Variants in LRRC7 observed in about 807,000 individuals in gnomAD.
The protein encoded by LRRC7 is leucine rich repeat containing 7.
Under a neutral mutation model 175.7 loss-of-function variants are expected in LRRC7, and 23 were observed. That is an observed-to-expected ratio of 0.13 (90% CI 0.09 to 0.19). The LOEUF (loss-of-function observed/expected upper bound fraction) is 0.19, where lower values mean the gene tolerates loss of function less well. Ranked by LOEUF, LRRC7 falls within the 10% of genes least tolerant of loss-of-function variation. The pLI is 1.00. For synonymous variants in LRRC7, 685 were observed against 680.9 expected, an observed-to-expected ratio of 1.01 and a Z score of -0.09; for missense variants, 1,354 against 1,904.7, an observed-to-expected ratio of 0.71 and a Z score of 5.38.
chr1:70,038,491 G>A lies in LRRC7; in HGVS notation c.2667G>A (p.Pro889=), dbSNP rs759651343. The A allele has an allele frequency of 1.5e-5, 25 of 1,613,908 alleles. No individual in the cohort carries two copies. The highest frequency in any genetic ancestry group is 1.8e-5 in the Non-Finnish European group (21 of 1,179,990). ...PWQNWTRTPS[P]FEDRTAFPSK... The stretch of plus-strand genomic sequence containing the variant: ...AGAATTGGACCAGAACCCCTAGTCC[G>A]TTTGAAGACAGGACCGCTTTTCCTT... The change falls in exon 21 of 27, where the codon CCG becomes CCA. Residue 889 remains proline, a synonymous_variant. Coordinates refer to ENST00000651989, the MANE Select transcript of LRRC7 (RefSeq NM_001370785.2).
At chr1:69,894,223 G>A (rs1312377211) in intron 7 of LRRC7, among the ~76,000 whole-genome samples, 2 of 152,016 alleles carry the variant, frequency 1.3e-5, no homozygotes, top group African/African-American at 2.4e-5. Context: ...CTTGAAGTAG[G>A]TATTATTATT....
At chr1:69,592,918 G>T (rs1479130091) in intron 1 of LRRC7, among the ~76,000 whole-genome samples, 1 of 152,008 alleles carries the variant, frequency 6.6e-6, no homozygotes, top group Non-Finnish European at 1.5e-5. Context: ...ACACTTGAAT[G>T]CTACCTTCTA....
intron 1 of LRRC7, among the ~76,000 whole-genome samples, chr1:69,572,545 G>C (rs1207874892): frequency 6.6e-6 from 1 of 152,048 alleles, no homozygotes; most frequent in African/African-American, 2.4e-5. Context: ...TTTTCTTTAT[G>C]TGGCTTTTAA....
intron 2 of LRRC7, among the ~76,000 whole-genome samples, chr1:69,683,709 A>G (rs563954479): frequency 2.0e-5 from 3 of 152,318 alleles, no homozygotes; most frequent in Non-Finnish European, 2.9e-5. Flanking sequence ...AAATACTCTA[A>G]GAAATATCTG....
chr1:70,006,160 T>C (rs1655976138), intron 11 of LRRC7, among the ~76,000 whole-genome samples: 1 of 152,188 alleles, frequency 6.6e-6, no homozygotes, highest in East Asian at 1.9e-4. Flanking sequence ...TTAGAGATCA[T>C]TGAGGAATAT....
At chr1:69,800,541 TTGTTATTGGCGTACAGAAA>T (rs1365769463) in intron 4 of LRRC7, among the ~76,000 whole-genome samples, 2 of 151,870 alleles carry the variant, frequency 1.3e-5, no homozygotes, top group Admixed American at 6.6e-5. Context: ...GTTTCTCAGC[TTGTTATTGGCGTACAGAAA>T]TGCTATTGAT....
chr1:69,623,650 A>T (rs1651010774), intron 1 of LRRC7, among the ~76,000 whole-genome samples: 1 of 150,226 alleles, frequency 6.7e-6, no homozygotes, highest in Non-Finnish European at 1.5e-5. Flanking sequence ...TCCTGGGTTC[A>T]AGCAATTTTC....
rs1280260125 is a variant in LRRC7, at chr1:69,585,077, C to T, written c.2+16436C>T. On this transcript the variant is annotated intron_variant, in intron 1 of 26. Coordinates refer to ENST00000651989, the MANE Select transcript of LRRC7 (RefSeq NM_001370785.2). The stretch of plus-strand genomic sequence containing the variant: ...GATTGTAAACTGCTAGACTGATACA[C>T]AGTTATATCTTCCTGATATTTTGAA... Among the ~76,000 whole-genome samples the T allele has an allele frequency of 3.3e-5, 5 of 152,234 alleles. No individual in the cohort carries two copies. In the East Asian group the frequency reaches 9.7e-4, roughly 29 times the overall value.
intron 18 of LRRC7, among the ~76,000 whole-genome samples, chr1:70,030,715 A>C (rs915888536): frequency 1.1e-4 from 17 of 152,296 alleles, no homozygotes; most frequent in East Asian, 3.9e-4. Context: ...GAAAACCCCC[A>C]AAAAAAGAAT....
intron 7 of LRRC7, among the ~76,000 whole-genome samples, chr1:69,847,491 A>G (rs1450535428): frequency 2.0e-5 from 3 of 152,102 alleles, no homozygotes; most frequent in African/African-American, 7.2e-5. Flanking sequence ...ACATGTTAAC[A>G]TGGAAATCAT....
At chr1:69,939,459 T>G (rs1360052296) in intron 8 of LRRC7, among the ~76,000 whole-genome samples, 2 of 151,882 alleles carry the variant, frequency 1.3e-5, no homozygotes, top group African/African-American at 4.8e-5. Flanking sequence ...AAGCCAAACG[T>G]AAATAAAAAG....
chr1:69,573,306 G>A (rs745341130), intron 1 of LRRC7, among the ~76,000 whole-genome samples: 4 of 152,116 alleles, frequency 2.6e-5, no homozygotes, highest in South Asian at 2.1e-4. Flanking sequence ...ATTGAAGTTC[G>A]GTAAATAACT....
chr1:69,882,852 G>C (rs553203468), intron 7 of LRRC7, among the ~76,000 whole-genome samples: 90 of 148,608 alleles, frequency 6.1e-4, no homozygotes, highest in Non-Finnish European at 1.0e-3. Flanking sequence ...CTATGAGTGA[G>C]AATATGCGGT....
At chr1:70,107,631 G>A (rs1360516533) in intron 25 of LRRC7, 121 bp from the exon 26 acceptor site, 1 of 647,650 alleles carries the variant, frequency 1.5e-6, no homozygotes, top group East Asian at 2.6e-5. Context: ...ATTCTTTGAA[G>A]CCTACATGCA....
intron 26 of LRRC7, among the ~76,000 whole-genome samples, chr1:70,112,027 A>G (rs190313149): frequency 6.6e-6 from 1 of 152,322 alleles, no homozygotes; most frequent in East Asian, 1.9e-4. Context: ...CAATCCAAAC[A>G]TACTCTTTGT....
intron 2 of LRRC7, among the ~76,000 whole-genome samples, chr1:69,756,742 A>G (rs1483837862): frequency 2.0e-5 from 3 of 151,972 alleles, no homozygotes; most frequent in Non-Finnish European, 4.4e-5. Flanking sequence ...TCCACAAATG[A>G]AGGAATAAAT....
At chr1:69,643,061 G>A (rs899846628) in intron 1 of LRRC7, among the ~76,000 whole-genome samples, 4 of 152,058 alleles carry the variant, frequency 2.6e-5, no homozygotes, top group Admixed American at 6.6e-5. Flanking sequence ...AGCCAGTGGT[G>A]TAAGTCCTGA....
At position 70,097,646 on chromosome 1, in the gene LRRC7, G is replaced by A. The variant is rs977775420; in HGVS notation, c.4545+7827G>A. ...CCCACAACAGTCCCCAGAGTGTGAT[G>A]TTCCCCTTCCTGTGTCCATGTGATC... On this transcript the variant is annotated intron_variant, in intron 25 of 26. Coordinates refer to ENST00000651989, the MANE Select transcript of LRRC7 (RefSeq NM_001370785.2). 5.2e-5 allele frequency among the ~76,000 whole-genome samples: 7 copies of A among 135,200 alleles called. No homozygotes were observed. The South Asian group carries it at 9.5e-4, about 18-fold the overall frequency. The allele number at this position is 135,200 out of a possible 152,430, so 88.7% of individuals were successfully genotyped here.
intron 1 of LRRC7, among the ~76,000 whole-genome samples, chr1:69,613,619 C>T (rs753669052): frequency 6.6e-5 from 10 of 151,962 alleles, no homozygotes; most frequent in African/African-American, 1.9e-4. Flanking sequence ...AGAGAGCATG[C>T]GTCATTCACT....
Sources: gnomAD v4.1 joint callset for allele counts (sites outside exome capture counted in the v4.1 genomes callset) on GRCh38, gnomAD v4.1.1 for gene constraint, MANE v1.5 for transcripts, NCBI Gene and HGNC (gene_info 2026-07-23, HGNC 2026-07-21) for gene names.